RNF17: variants seen among roughly 807,000 people sequenced by gnomAD.
RNF17 encodes the protein spermatogenesis associated 23.
Under a neutral mutation model 200.5 loss-of-function variants are expected in RNF17, and 31 were observed. The ratio of observed to expected loss-of-function variants is 0.15; its 90% CI spans 0.12 to 0.21. The LOEUF (loss-of-function observed/expected upper bound fraction) is 0.21. RNF17 is among the 10% of genes least tolerant of loss of function. The pLI is 1.00. For synonymous variants in RNF17, 606 were observed against 637.8 expected, an observed-to-expected ratio of 0.95 and a Z score of 0.75; for missense variants, 1,628 against 1,905.1, an observed-to-expected ratio of 0.85 and a Z score of 2.71.
At position 24,779,542 on chromosome 13, in the gene RNF17, G is replaced by A; in HGVS notation, c.430-125G>A. The A allele has an allele frequency of 2.1e-5, 13 of 606,772 alleles. No individual in the cohort carries two copies. The South Asian group carries it at 3.1e-4, about 15-fold the overall frequency. 37.6% of individuals were successfully genotyped at this position (606,772 alleles called of 1,614,324 possible). A position where few individuals can be genotyped will look rare whatever the true frequency, so the allele number is the denominator to read the frequency against. On this transcript the variant is annotated intron_variant, in intron 4 of 35. Coordinates refer to ENST00000255324, the MANE Select transcript of RNF17 (RefSeq NM_031277.3). ...TTTTGTTGCTTGTTTTCACTTTTCT[G>A]TAGTGAGTCTATGTTGCTTTTGTAA...
At chr13:24,820,635 T>A (rs1164983361) in intron 15 of RNF17, among the ~76,000 whole-genome samples, 1 of 149,582 alleles carries the variant, frequency 6.7e-6, no homozygotes, top group Non-Finnish European at 1.5e-5. Flanking sequence ...AGCTTTTGGC[T>A]ATGTTGGCCA....
chr13:24,755,048 A>G, the RNF17 span, among the ~76,000 whole-genome samples: 2 of 152,204 alleles, frequency 1.3e-5, no homozygotes, highest in African/African-American at 4.8e-5. Flanking sequence ...ATATTTTCCT[A>G]TATAGGTATA....
intron 30 of RNF17, 84 bp downstream of exon 30, chr13:24,866,287 AT>A: frequency 1.4e-6 from 1 of 732,162 alleles, no homozygotes; most frequent in Non-Finnish European, 2.4e-6. Context: ...GCTCTCTTTT[AT>A]AACAGTTTTA....
rs149432242 is a variant in RNF17, at chr13:24,873,998, G to A, written c.4448-116G>A. The A allele has an allele frequency of 5.9e-4, 588 of 993,154 alleles. 2 individuals carry two copies. The East Asian group carries it at 0.014, about 24-fold the overall frequency. 61.5% of individuals were successfully genotyped at this position (993,154 alleles called of 1,614,324 possible). A position where few individuals can be genotyped will look rare whatever the true frequency, so the allele number is the denominator to read the frequency against. The stretch of plus-strand genomic sequence containing the variant: ...GTTGATTCCGTATCTTGGCTATTGT[G>A]AATAGTGCTGCAACAAACATGGGGT... On this transcript the variant is annotated intron_variant, in intron 32 of 35. Transcript: ENST00000255324.
chr13:24,886,372 C>T, the RNF17 span: 23 of 1,289,112 alleles, frequency 1.8e-5, no homozygotes, highest in African/African-American at 9.1e-5. Flanking sequence ...GCGTGTGAGG[C>T]GGCTGTGCTG....
intron 9 of RNF17, among the ~76,000 whole-genome samples, chr13:24,790,166 G>A (rs1883668731): frequency 6.6e-6 from 1 of 152,104 alleles, no homozygotes; most frequent in Non-Finnish European, 1.5e-5. Context: ...AGTTCTTACT[G>A]GGGTAACAGG....
chr13:24,850,972 ACT>A (rs1304336947), intron 23 of RNF17, among the ~76,000 whole-genome samples: 2 of 151,890 alleles, frequency 1.3e-5, no homozygotes, highest in Non-Finnish European at 2.9e-5. Context: ...TCACAAAATA[ACT>A]CTCTGTTCCA....
chr13:24,856,157 A>T (rs1055576453), intron 25 of RNF17, among the ~76,000 whole-genome samples: 4 of 152,112 alleles, frequency 2.6e-5, no homozygotes, highest in African/African-American at 9.7e-5. Flanking sequence ...GCAGTGGCTC[A>T]TGCCTGTAAT....
At chr13:24,853,833 T>G (rs371910277) in intron 24 of RNF17, 22 bp from the exon 25 acceptor site, 22 of 1,553,648 alleles carry the variant, frequency 1.4e-5, no homozygotes, top group Non-Finnish European at 1.9e-5. Flanking sequence ...TGTTTAGATG[T>G]GTTCTTTTTT....
rs754603862 is a variant in RNF17, at chr13:24,796,311, T to TC, written c.1399+18dup. ...TTGGAACTAGGTAATGAAATATTAGTCCAAGTTAAAATATCAAATTTATTT... is the reference window on the plus strand; with the variant it reads ...TTGGAACTAGGTAATGAAATATTAGTCCCAAGTTAAAATATCAAATTTATTT... On this transcript the variant is annotated intron_variant, in intron 11 of 35. Coordinates refer to ENST00000255324, the MANE Select transcript of RNF17 (RefSeq NM_031277.3). 9 of 1,537,514 alleles carry TC rather than the reference T, an allele frequency of 5.9e-6. No homozygotes were observed. In the South Asian group the frequency reaches 1.1e-4, roughly 20 times the overall value.
At chr13:24,784,767 C>T (rs989697475) in intron 6 of RNF17, among the ~76,000 whole-genome samples, 8 of 151,934 alleles carry the variant, frequency 5.3e-5, no homozygotes, top group East Asian at 1.9e-4. Flanking sequence ...AGTGCAGTGG[C>T]GCGACCTCGG....
chr13:24,872,380 G>A (rs1379370348), intron 32 of RNF17, among the ~76,000 whole-genome samples: 1 of 152,182 alleles, frequency 6.6e-6, no homozygotes, highest in Non-Finnish European at 1.5e-5. Context: ...AGAATTCTCT[G>A]TGAAATTACA....
intron 7 of RNF17, among the ~76,000 whole-genome samples, chr13:24,788,971 T>C (rs939956471): frequency 1.7e-4 from 26 of 152,162 alleles, no homozygotes; most frequent in Non-Finnish European, 2.9e-4. Context: ...AATAGTTGTT[T>C]CCTGTGTATT....
upstream of RNF17, among the ~76,000 whole-genome samples, chr13:24,762,724 T>A (rs1249286996): frequency 1.3e-5 from 2 of 152,240 alleles, no homozygotes; most frequent in Admixed American, 6.5e-5. Flanking sequence ...GCAGGCTTTA[T>A]TCTTAGCAGC....
chr13:24,828,832 G>A (rs1405189999), intron 16 of RNF17, among the ~76,000 whole-genome samples: 1 of 150,298 alleles, frequency 6.7e-6, no homozygotes, highest in African/African-American at 2.5e-5. Context: ...TTTTTGAGAT[G>A]GTCTTACTCT....
rs1470172306 is a variant in RNF17 at position 24,824,129 on chromosome 13, C to T, written c.2092-1490C>T. On this transcript the variant is annotated intron_variant, in intron 15 of 35. Coordinates refer to ENST00000255324, the MANE Select transcript of RNF17 (RefSeq NM_031277.3). Reference sequence around the variant, plus strand: ...GTAAAAATACCACAAAACTTTCCTACCATTTAGAAAATTGCTTTTACTTCA... The same window carrying T: ...GTAAAAATACCACAAAACTTTCCTATCATTTAGAAAATTGCTTTTACTTCA... 4.3e-6 allele frequency: 3 copies of T among 701,254 alleles called. No individual in the cohort carries two copies. The East Asian group carries it at 8.2e-5, about 19-fold the overall frequency. 43.4% of individuals were successfully genotyped at this position (701,254 alleles called of 1,614,324 possible). A position where few individuals can be genotyped will look rare whatever the true frequency, so the allele number is the denominator to read the frequency against.
chr13:24,786,121 T>C (rs1883072754), intron 6 of RNF17, among the ~76,000 whole-genome samples: 1 of 152,198 alleles, frequency 6.6e-6, no homozygotes, highest in South Asian at 2.1e-4. Flanking sequence ...TCTTTGTGTT[T>C]ACTTGATTTT....
At position 24,774,852 on chromosome 13, in the gene RNF17, A is replaced by G. The variant is rs941309865; in HGVS notation, c.265A>G (p.Met89Val). The G allele has an allele frequency of 5.0e-6, 8 of 1,612,698 alleles. No homozygotes were observed. The highest frequency in any genetic ancestry group is 4.5e-5 in the East Asian group (2 of 44,810). The stretch of plus-strand genomic sequence containing the variant: ...AAATACTAGACAACGCTACTACCCA[A>G]TGGCTGGATATATTAAGGAAGACTC... ...AVNTRQRYYPMAGYIKEDSIM... is the reference protein window; with the variant it reads ...AVNTRQRYYPVAGYIKEDSIM... Residue 89 changes from methionine to valine, a missense_variant, in exon 3 of 36, where the codon ATG becomes GTG. Physicochemically the swap from Met to Val is conservative, Grantham distance 21 (BLOSUM62 1). Coordinates refer to ENST00000255324, the MANE Select transcript of RNF17 (RefSeq NM_031277.3).
At chr13:24,785,865 A>G (rs1314478995) in intron 6 of RNF17, among the ~76,000 whole-genome samples, 1 of 152,160 alleles carries the variant, frequency 6.6e-6, no homozygotes, top group Non-Finnish European at 1.5e-5. Context: ...AATTATCGGC[A>G]TGTATTATCT....
Sources: gnomAD v4.1 joint callset for allele counts (sites outside exome capture counted in the v4.1 genomes callset) on GRCh38, gnomAD v4.1.1 for gene constraint, MANE v1.5 for transcripts, NCBI Gene and HGNC (gene_info 2026-07-23, HGNC 2026-07-21) for gene names.